SAMMSON: variants seen among roughly 807,000 people sequenced by gnomAD.
The protein encoded by SAMMSON is long intergenic non-protein coding RNA 1212.
At chr3:70,126,249 T>C (rs13324738) in intron 4 of SAMMSON, 282,270 of 1,023,632 alleles carry the variant, frequency 0.28, 41,958 homozygotes, top group East Asian at 0.49. Flanking sequence ...AACAGGGTCA[T>C]CAGACCTTTT....
At chr3:70,330,532 G>A (rs563320288) in intron 7 of SAMMSON, among the ~76,000 whole-genome samples, 8 of 151,860 alleles carry the variant, frequency 5.3e-5, no homozygotes, top group African/African-American at 9.7e-5. Context: ...GGAAGGAGAG[G>A]AAAAACTCAA....
intron 6 of SAMMSON, among the ~76,000 whole-genome samples, chr3:70,289,889 G>A (rs1377085186): frequency 2.6e-5 from 4 of 151,662 alleles, no homozygotes; most frequent in East Asian, 3.9e-4. Flanking sequence ...CGTAGTTCTC[G>A]AGCCTTGGTT....
At position 70,007,085 on chromosome 3, in the gene SAMMSON, G is replaced by T. The variant is rs1015701625; in HGVS notation, n.23-5272G>T. ...GGGTTGGTTCCAAGTCTTTGCTATTGTGAATAGTGCCACAATAAACATATG... is the reference window on the plus strand; with the variant it reads ...GGGTTGGTTCCAAGTCTTTGCTATTTTGAATAGTGCCACAATAAACATATG... On this transcript the variant is annotated intron_variant and non_coding_transcript_variant, in intron 1 of 9. Coordinates refer to ENST00000642114, the Ensembl canonical transcript of SAMMSON. 1.2e-4 allele frequency among the ~76,000 whole-genome samples: 19 copies of T among 152,152 alleles called. No individual in the cohort carries two copies. The South Asian group carries it at 1.7e-3, about 13-fold the overall frequency.
At chr3:70,312,019 C>G (rs1487458764) in intron 7 of SAMMSON, 1 of 396,834 alleles carries the variant, frequency 2.5e-6, no homozygotes, top group Non-Finnish European at 4.4e-6. Flanking sequence ...ATTAAGAACC[C>G]AAATTTATAA....
At chr3:70,299,269 A>T (rs903961986) in intron 7 of SAMMSON, among the ~76,000 whole-genome samples, 6 of 152,122 alleles carry the variant, frequency 3.9e-5, no homozygotes, top group Non-Finnish European at 8.8e-5. Context: ...TCATCAAAAC[A>T]TGCTATTAAA....
chr3:70,252,155 A>G (rs1324471032), intron 6 of SAMMSON, among the ~76,000 whole-genome samples: 1 of 152,234 alleles, frequency 6.6e-6, no homozygotes, highest in Admixed American at 6.5e-5. Context: ...GTTATGAGTC[A>G]TGTGTAATTG....
chr3:70,092,243 GT>G (rs992927160), intron 4 of SAMMSON, among the ~76,000 whole-genome samples: 10 of 148,756 alleles, frequency 6.7e-5, no homozygotes, highest in Admixed American at 1.3e-4. Context: ...TATAGTTTTA[GT>G]TTTTTTTTTA....
In SAMMSON at chr3:70,067,199, G is replaced by A. The variant is rs551508101; in HGVS notation, n.418-4277G>A. On this transcript the variant is annotated intron_variant and non_coding_transcript_variant, in intron 3 of 9. Transcript: ENST00000642114. ...ACAGGTATCGGAGAGATTTCCTTAC[G>A]GTATTTTCCATTTTAAAAGAAGAAA... Among the ~76,000 whole-genome samples the A allele has an allele frequency of 1.0e-3, 155 of 151,774 alleles. 1 individual carries two copies. Among genetic ancestry groups the A allele is most frequent in the African/African-American group, 3.5e-3 (144 of 41,432 alleles).
chr3:70,234,254 T>G (rs1357227927), intron 4 of SAMMSON, among the ~76,000 whole-genome samples: 1 of 152,220 alleles, frequency 6.6e-6, no homozygotes, highest in African/African-American at 2.4e-5. Flanking sequence ...ATACATTTGT[T>G]TATTTTTTAA....
At chr3:70,222,493 C>T (rs954767600) in intron 4 of SAMMSON, among the ~76,000 whole-genome samples, 17 of 152,240 alleles carry the variant, frequency 1.1e-4, no homozygotes, top group Admixed American at 4.6e-4. Context: ...GGTTGGTTTT[C>T]GGTAAAGCAA....
At position 70,009,580 on chromosome 3, in the gene SAMMSON, G is replaced by A. The variant is rs1367848987; in HGVS notation, n.23-2777G>A. Among the ~76,000 whole-genome samples the A allele has an allele frequency of 3.9e-4, 59 of 151,948 alleles. 1 individual carries two copies. The highest frequency in any genetic ancestry group is 1.2e-3 in the African/African-American group (51 of 41,432). On this transcript the variant is annotated intron_variant and non_coding_transcript_variant, in intron 1 of 9. Transcript: ENST00000642114. ...TCTATCAATTTTGTTGATCTTTTCA[G>A]AAAACCAGCTCCTGGATTCATTGAT...
intron 3 of SAMMSON, among the ~76,000 whole-genome samples, chr3:70,051,852 C>G (rs1327319634): frequency 1.3e-5 from 2 of 151,994 alleles, no homozygotes; most frequent in East Asian, 3.9e-4. Flanking sequence ...AATCCCAGCA[C>G]TTTGGAAGGC....
intron 3 of SAMMSON, among the ~76,000 whole-genome samples, chr3:70,036,989 T>A (rs1269044267): frequency 6.6e-6 from 1 of 152,096 alleles, no homozygotes; most frequent in Non-Finnish European, 1.5e-5. Context: ...AGGATGATGA[T>A]TAATAGAATG....
intron 4 of SAMMSON, among the ~76,000 whole-genome samples, chr3:70,081,914 G>C (rs906621893): frequency 6.6e-6 from 1 of 152,222 alleles, no homozygotes; most frequent in Non-Finnish European, 1.5e-5. Context: ...TGAGGAGAAA[G>C]ATGAGTTTAG....
chr3:70,285,136 C>T (rs1296815475), intron 6 of SAMMSON, among the ~76,000 whole-genome samples: 1 of 150,820 alleles, frequency 6.6e-6, no homozygotes, highest in East Asian at 2.0e-4. Context: ...ATACATGTGC[C>T]ATGCTGGTGC....
At chr3:70,281,450 G>A (rs1418922707) in intron 6 of SAMMSON, among the ~76,000 whole-genome samples, 3 of 152,096 alleles carry the variant, frequency 2.0e-5, no homozygotes, top group Admixed American at 2.0e-4. Context: ...GCAAGTAATC[G>A]TGAACAGGCC....
At chr3:70,188,910 A>G (rs1701110640) in intron 4 of SAMMSON, among the ~76,000 whole-genome samples, 1 of 152,220 alleles carries the variant, frequency 6.6e-6, no homozygotes, top group Non-Finnish European at 1.5e-5. Flanking sequence ...CAAAGCTAAC[A>G]TGAAAACTTT....
intron 7 of SAMMSON, among the ~76,000 whole-genome samples, chr3:70,318,462 T>TTGTGTGTGTGTGTGTGTGTGAG (rs35643960): frequency 1.3e-5 from 2 of 150,008 alleles, no homozygotes; most frequent in Non-Finnish European, 3.0e-5. Context: ...AATTAACATT[T>TTGTGTGTGTGTGTGTGTGTGAG]TGTGTGTGTG....
intron 7 of SAMMSON, among the ~76,000 whole-genome samples, chr3:70,304,013 G>A (rs528023874): frequency 1.3e-5 from 2 of 152,208 alleles, no homozygotes; most frequent in South Asian, 2.1e-4. Context: ...AAATGTAGTA[G>A]GATAGAGTTT....
Sources: gnomAD v4.1 joint callset for allele counts (sites outside exome capture counted in the v4.1 genomes callset) on GRCh38, gnomAD v4.1.1 for gene constraint, MANE v1.5 for transcripts, NCBI Gene and HGNC (gene_info 2026-07-23, HGNC 2026-07-21) for gene names.